Variants in CSNK1G1 observed in about 807,000 individuals in gnomAD.
The protein encoded by CSNK1G1 is casein kinase 1 gamma 1, also known as casein kinase I isoform gamma-1.
CSNK1G1 carries 22 observed loss-of-function variants against 59.6 expected under a neutral mutation model. The observed-to-expected ratio is 0.37, with a 90% CI of 0.26 to 0.53. The LOEUF (loss-of-function observed/expected upper bound fraction) is 0.53, where lower values mean the gene tolerates loss of function less well. Ranked by LOEUF, CSNK1G1 falls within the 20% of genes least tolerant of loss-of-function variation. The pLI, the probability that CSNK1G1 is intolerant of heterozygous loss-of-function variation, is 0.89. For synonymous variants in CSNK1G1, 179 were observed against 177.1 expected, an observed-to-expected ratio of 1.01 and a Z score of -0.08; for missense variants, 384 against 519.5, an observed-to-expected ratio of 0.74 and a Z score of 2.54.
At chr15:64,285,208 G>A (rs1484527825) in intron 2 of CSNK1G1, among the ~76,000 whole-genome samples, 1 of 152,084 alleles carries the variant, frequency 6.6e-6, no homozygotes, top group Non-Finnish European at 1.5e-5. Context: ...TGAAGAAATA[G>A]AATGTAGCCA....
chr15:64,243,997 C>T (rs1171560725), intron 4 of CSNK1G1, among the ~76,000 whole-genome samples: 13 of 151,604 alleles, frequency 8.6e-5, no homozygotes, highest in South Asian at 2.1e-4. Flanking sequence ...GGTGAAACCC[C>T]GTCTCTACTA....
In CSNK1G1 at chr15:64,266,627, G is replaced by A. The variant is rs552007265; in HGVS notation, c.182-7386C>T. ...CTCTACCCAATGCAAAAATCTCCTA[G>A]AAAACTATAGTAACCAAAGCAGCAT... On this transcript the variant is annotated intron_variant, in intron 2 of 11. Coordinates refer to ENST00000303052, the MANE Select transcript of CSNK1G1 (RefSeq NM_022048.5). 3.9e-5 allele frequency among the ~76,000 whole-genome samples: 6 copies of A among 152,132 alleles called. No individual in the cohort carries two copies. In the East Asian group the frequency reaches 9.7e-4, roughly 25 times the overall value.
intron 10 of CSNK1G1, 50 bp downstream of exon 10, chr15:64,203,032 T>C (rs375517581): frequency 3.3e-5 from 46 of 1,379,670 alleles, no homozygotes; most frequent in Non-Finnish European, 4.6e-5. Context: ...GGTTTTAATA[T>C]TAGCCAAGAA....
intron 4 of CSNK1G1, among the ~76,000 whole-genome samples, chr15:64,238,518 A>AAAAAAAAATATATAT (rs1555396879): frequency 2.0e-5 from 1 of 49,246 alleles, no homozygotes; most frequent in African/African-American, 1.2e-4. Flanking sequence ...AAAAAAAAAA[A>AAAAAAAAATATATAT]ATATATATAT....
chr15:64,171,632 G>T lies in CSNK1G1; in HGVS notation c.*299C>A. 2.2e-6 allele frequency: 1 copy of T among 450,052 alleles called. No homozygotes were observed. The highest frequency in any genetic ancestry group is 4.0e-6 in the Non-Finnish European group (1 of 248,708). 27.9% of individuals were successfully genotyped at this position (450,052 alleles called of 1,614,324 possible). ...AGAATAGCAGTCCTTGAGTTTTTGT[G>T]AATGACACCTTCACTGTAAACAATG... On this transcript the variant is annotated 3_prime_UTR_variant, in exon 12 of 12. Coordinates refer to ENST00000303052, the MANE Select transcript of CSNK1G1 (RefSeq NM_022048.5). The surrounding 1 kb of genome is among the most constrained non-coding windows in gnomAD (Gnocchi z 4.8).
At chr15:64,355,259 T>C (rs1236130083) in intron 1 of CSNK1G1, among the ~76,000 whole-genome samples, 1 of 152,204 alleles carries the variant, frequency 6.6e-6, no homozygotes, top group Non-Finnish European at 1.5e-5. Flanking sequence ...TCTAAGGTAA[T>C]TTATACCGGA....
intron 10 of CSNK1G1, among the ~76,000 whole-genome samples, chr15:64,198,573 G>T (rs1042002206): frequency 1.3e-5 from 2 of 152,060 alleles, no homozygotes; most frequent in African/African-American, 4.8e-5. Flanking sequence ...CTGATGAAAG[G>T]TTAGCTGTTC....
chr15:64,198,153 T>A (rs1286395759), intron 10 of CSNK1G1, among the ~76,000 whole-genome samples: 1 of 151,868 alleles, frequency 6.6e-6, no homozygotes, highest in African/African-American at 2.4e-5. Context: ...GTCAGCTCTT[T>A]GAGGACAAGG....
intron 2 of CSNK1G1, among the ~76,000 whole-genome samples, chr15:64,266,394 AAAAAAT>A (rs1379287915): frequency 1.3e-5 from 2 of 152,224 alleles, no homozygotes; most frequent in African/African-American, 4.8e-5. Context: ...TGTCTCTTAA[AAAAAAT>A]AAAAATAAAA....
At chr15:64,201,840 A>G (rs1259872375) in intron 10 of CSNK1G1, among the ~76,000 whole-genome samples, 1 of 152,170 alleles carries the variant, frequency 6.6e-6, no homozygotes, top group African/African-American at 2.4e-5. Context: ...TTAATACAAG[A>G]AAGTGAAATC....
At chr15:64,177,418 C>T (rs948722921) in intron 11 of CSNK1G1, among the ~76,000 whole-genome samples, 2 of 152,158 alleles carry the variant, frequency 1.3e-5, no homozygotes, top group African/African-American at 4.8e-5. Flanking sequence ...CACGCAAAGG[C>T]CAAGAAAAAT....
intron 7 of CSNK1G1, among the ~76,000 whole-genome samples, chr15:64,206,568 C>T (rs1423338835): frequency 9.9e-6 from 1 of 100,868 alleles, no homozygotes; most frequent in Non-Finnish European, 1.8e-5. Flanking sequence ...GCCTGGGAAA[C>T]AGAGTGAAAC....
chr15:64,322,175 T>C (rs1318322310), intron 1 of CSNK1G1, among the ~76,000 whole-genome samples: 2 of 152,166 alleles, frequency 1.3e-5, no homozygotes, highest in African/African-American at 4.8e-5. Context: ...TAAAGTCTTA[T>C]TGTAACTTGA....
intron 10 of CSNK1G1, among the ~76,000 whole-genome samples, chr15:64,194,583 T>C (rs2082016937): frequency 6.7e-6 from 1 of 150,076 alleles, no homozygotes; most frequent in East Asian, 1.9e-4. Flanking sequence ...AGTGGTGCGA[T>C]CTCGGCTCAC....
intron 2 of CSNK1G1, among the ~76,000 whole-genome samples, chr15:64,282,990 G>A (rs1221692161): frequency 2.0e-5 from 3 of 152,142 alleles, no homozygotes; most frequent in Non-Finnish European, 2.9e-5. Flanking sequence ...TAGTAAGAAT[G>A]ATACAATGGA....
At position 64,171,848 on chromosome 15, in the gene CSNK1G1, T is replaced by C. The variant is rs1176919526; in HGVS notation, c.*83A>G. Reference sequence around the variant, plus strand: ...ATATCCACCCTCCCCCAAAGAGGAGTCCCTTCCAATGAGAAATGGCAGGAG... The same window carrying C: ...ATATCCACCCTCCCCCAAAGAGGAGCCCCTTCCAATGAGAAATGGCAGGAG... On this transcript the variant is annotated 3_prime_UTR_variant, in exon 12 of 12. Transcript: ENST00000303052. The surrounding 1 kb of genome is among the most constrained non-coding windows in gnomAD (Gnocchi z 4.8). 1.7e-6 allele frequency: 2 copies of C among 1,180,658 alleles called. No homozygotes were observed. Among genetic ancestry groups the C allele is most frequent in the South Asian group, 2.4e-5 (2 of 82,364 alleles). 73.1% of individuals were successfully genotyped at this position (1,180,658 alleles called of 1,614,324 possible).
At chr15:64,178,096 G>A (rs768596607) in intron 11 of CSNK1G1, among the ~76,000 whole-genome samples, 2 of 152,194 alleles carry the variant, frequency 1.3e-5, no homozygotes, top group African/African-American at 4.8e-5. Context: ...CAGAATGCCT[G>A]AGGCCAGACT....
At chr15:64,238,514 AAAAAATATAT>A (rs2082646995) in intron 4 of CSNK1G1, among the ~76,000 whole-genome samples, 1 of 107,620 alleles carries the variant, frequency 9.3e-6, no homozygotes, top group Non-Finnish European at 1.8e-5. Context: ...AAAAAAAAAA[AAAAAATATAT>A]ATATATATAT....
At chr15:64,189,130 AAATAAT>A (rs529492284) in intron 10 of CSNK1G1, among the ~76,000 whole-genome samples, 14 of 152,234 alleles carry the variant, frequency 9.2e-5, no homozygotes, top group East Asian at 3.9e-4. Context: ...CATCTCGAAA[AAATAAT>A]AATAATAATA....
Sources: gnomAD v4.1 joint callset for allele counts (sites outside exome capture counted in the v4.1 genomes callset) on GRCh38, gnomAD v4.1.1 for gene constraint, Gnocchi (gnomAD v3.1) non-coding constraint, MANE v1.5 for transcripts, NCBI Gene and HGNC (gene_info 2026-07-23, HGNC 2026-07-21) for gene names.